MAP4K5: variants seen among roughly 807,000 people sequenced by gnomAD.
MAP4K5 encodes the protein mitogen-activated protein kinase kinase kinase kinase 5.
In MAP4K5, 82 loss-of-function variants were observed where a neutral mutation model predicts 135.6. The ratio of observed to expected loss-of-function variants is 0.60; its 90% CI spans 0.51 to 0.73. The LOEUF is 0.73. Among genes scored for constraint, MAP4K5 ranks in the 30% least tolerant of loss-of-function variants. MAP4K5 has a pLI of 0.00. For missense variants in MAP4K5, 907 were observed against 1,010.9 expected, an observed-to-expected ratio of 0.90 and a Z score of 1.39; for synonymous variants, 347 against 335.0, an observed-to-expected ratio of 1.04 and a Z score of -0.39.
chr14:50,552,118 G>A (rs2038710176), intron 1 of MAP4K5, among the ~76,000 whole-genome samples: 1 of 152,146 alleles, frequency 6.6e-6, no homozygotes, highest in South Asian at 2.1e-4. Context: ...AAACCCTAAA[G>A]ACTCATCCAA....
At chr14:50,551,929 G>T (rs1407460104) in intron 1 of MAP4K5, among the ~76,000 whole-genome samples, 3 of 152,090 alleles carry the variant, frequency 2.0e-5, no homozygotes, top group African/African-American at 7.2e-5. Context: ...AAATTTGAAA[G>T]CATTCCCCCA....
At chr14:50,482,514 C>A in intron 5 of MAP4K5, 98 bp from the exon 6 acceptor site, 1 of 778,392 alleles carries the variant, frequency 1.3e-6, no homozygotes, top group Non-Finnish European at 2.0e-6. Context: ...CGCAGTGGCT[C>A]ACGCCTGTAA....
chr14:50,529,259 C>T (rs1321479993), intron 2 of MAP4K5, among the ~76,000 whole-genome samples: 1 of 152,096 alleles, frequency 6.6e-6, no homozygotes, highest in Non-Finnish European at 1.5e-5. Flanking sequence ...TGGTGGCACA[C>T]ACCTGTAGTG....
intron 3 of MAP4K5, among the ~76,000 whole-genome samples, chr14:50,493,475 A>C (rs1340082170): frequency 6.6e-6 from 1 of 152,202 alleles, no homozygotes; most frequent in Non-Finnish European, 1.5e-5. Context: ...ATTAAAAATC[A>C]CATAAAAGTT....
chr14:50,497,783 TTAAAAAATACTAAACTATTTTATAA>T (rs1211567232), intron 3 of MAP4K5, among the ~76,000 whole-genome samples: 12 of 152,360 alleles, frequency 7.9e-5, no homozygotes, highest in Admixed American at 6.5e-4. Flanking sequence ...ACTTATTTTA[TTAAAAAATACTAAACTATTTTATAA>T]GTATTTCCGA....
At chr14:50,443,627 G>T in intron 20 of MAP4K5, 102 bp downstream of exon 20, 4 of 906,748 alleles carry the variant, frequency 4.4e-6, no homozygotes, top group Non-Finnish European at 6.4e-6. Flanking sequence ...TGTATTTTAT[G>T]ATATCTTAAC....
intron 22 of MAP4K5, 79 bp from the exon 23 acceptor site, chr14:50,440,152 A>G: frequency 1.0e-6 from 1 of 999,664 alleles, no homozygotes; most frequent in Non-Finnish European, 1.5e-6. Context: ...GAAATCATAT[A>G]AAAATAACTA....
At chr14:50,511,563 A>C (rs1351598556) in intron 2 of MAP4K5, among the ~76,000 whole-genome samples, 1 of 152,112 alleles carries the variant, frequency 6.6e-6, no homozygotes, top group Non-Finnish European at 1.5e-5. Context: ...GAAAATACCA[A>C]ATGTTCCCAA....
chr14:50,463,915 A>T, intron 12 of MAP4K5, 137 bp downstream of exon 12: 1 of 210,168 alleles, frequency 4.8e-6, no homozygotes, highest in South Asian at 5.5e-5. Context: ...AAAAAAAAAA[A>T]AAAAAAAAAA....
At chr14:50,474,403 AG>A (rs1482390792) in intron 9 of MAP4K5, among the ~76,000 whole-genome samples, 2 of 152,152 alleles carry the variant, frequency 1.3e-5, no homozygotes, top group African/African-American at 4.8e-5. Flanking sequence ...AAAAAAAAAA[AG>A]AATCTAACCT....
chr14:50,491,833 A>C (rs1426870599), intron 3 of MAP4K5, among the ~76,000 whole-genome samples: 1 of 151,662 alleles, frequency 6.6e-6, no homozygotes, highest in African/African-American at 2.4e-5. Flanking sequence ...TTACAGGCAC[A>C]TGTCATGACA....
In MAP4K5 at chr14:50,440,047, C is replaced by T; in HGVS notation, c.1671G>A (p.Leu557=). The part of the protein sequence containing the change: ...EQLFPRKCTW[L]YVINNTLMSL... ...ACATTAAAGTATTATTGATAACATA[C>T]AGCCAAGTACACTTCCGTGGAAATA... Residue 557 remains leucine (L), a synonymous_variant, in exon 23 of 33, where the codon CTG becomes CTA. Transcript: ENST00000682126. 6.5e-7 allele frequency: 1 copy of T among 1,543,724 alleles called. No individual in the cohort carries two copies. Among genetic ancestry groups the T allele is most frequent in the Non-Finnish European group, 8.8e-7 (1 of 1,129,972 alleles).
At chr14:50,437,317 C>CTGTCT (rs1196511730) in intron 26 of MAP4K5, among the ~76,000 whole-genome samples, 159 bp downstream of exon 26, 2 of 152,264 alleles carry the variant, frequency 1.3e-5, no homozygotes, top group East Asian at 3.9e-4. Flanking sequence ...TATGCCATGT[C>CTGTCT]TGTCTATATT....
intron 2 of MAP4K5, among the ~76,000 whole-genome samples, chr14:50,514,569 T>C (rs1428779365): frequency 6.6e-6 from 1 of 152,146 alleles, no homozygotes; most frequent in African/African-American, 2.4e-5. Context: ...AATGCTCTCA[T>C]AGATGACACA....
intron 1 of MAP4K5, chr14:50,560,326 G>A: frequency 6.2e-7 from 1 of 1,612,684 alleles, no homozygotes; most frequent in South Asian, 1.1e-5. Context: ...AACTTCTGCA[G>A]CCTGCACGGG....
chr14:50,492,760 T>C (rs1464435260), intron 3 of MAP4K5, among the ~76,000 whole-genome samples: 3 of 152,164 alleles, frequency 2.0e-5, no homozygotes, highest in African/African-American at 7.2e-5. Context: ...CTATCCTATA[T>C]AGGTATCAAT....
At chr14:50,463,891 CAAAAAAAAAAAAAAAAAAAAAAAAA>C (rs56877870) in intron 12 of MAP4K5, among the ~76,000 whole-genome samples, 136 bp downstream of exon 12, 2 of 70,408 alleles carry the variant, frequency 2.8e-5, no homozygotes, top group East Asian at 4.2e-4. Context: ...ACCCTGTTTC[CAAAAAAAAAAAAAAAAAAAAAAAAA>C]AAAAAAAAAA....
intron 17 of MAP4K5, among the ~76,000 whole-genome samples, chr14:50,445,743 T>C (rs1161332336): frequency 1.3e-5 from 2 of 152,170 alleles, no homozygotes; most frequent in Non-Finnish European, 2.9e-5. Context: ...CTAATTTTTG[T>C]ATTTTTAGTA....
intron 5 of MAP4K5, 70 bp downstream of exon 5, chr14:50,485,508 A>C: frequency 1.0e-6 from 1 of 973,376 alleles, no homozygotes; most frequent in Non-Finnish European, 1.6e-6. Flanking sequence ...TTCCGTGGTT[A>C]ACTGGAAATA....
Sources: gnomAD v4.1 joint callset for allele counts (sites outside exome capture counted in the v4.1 genomes callset) on GRCh38, gnomAD v4.1.1 for gene constraint, MANE v1.5 for transcripts, NCBI Gene and HGNC (gene_info 2026-07-23, HGNC 2026-07-21) for gene names.